TENM4: variants seen among roughly 807,000 people sequenced by gnomAD.
The protein encoded by TENM4 is teneurin-4.
In TENM4, 82 loss-of-function variants were observed where a neutral mutation model predicts 243.3. That is an observed-to-expected ratio of 0.34 (90% CI 0.28 to 0.40). TENM4 has a LOEUF of 0.40. TENM4 is among the 10% of genes least tolerant of loss of function. The pLI is 1.00. For missense variants in TENM4, 3,138 were observed against 3,673.3 expected (o/e 0.85, Z 3.77); for synonymous variants, 1,412 against 1,456.3 (o/e 0.97, Z 0.69).
At chr11:78,946,435 G>A (rs1223982666) in intron 6 of TENM4, among the ~76,000 whole-genome samples, 1 of 152,228 alleles carries the variant, frequency 6.6e-6, no homozygotes, top group African/African-American at 2.4e-5. Flanking sequence ...ACCACTTACT[G>A]ACAATGTACC....
At chr11:79,129,555 G>A (rs946759808) in intron 4 of TENM4, among the ~76,000 whole-genome samples, 1 of 152,186 alleles carries the variant, frequency 6.6e-6, no homozygotes, top group South Asian at 2.1e-4. Flanking sequence ...AGCATGGTGG[G>A]AGTGAGACTG....
chr11:78,883,049 A>G (rs980705043), intron 9 of TENM4, among the ~76,000 whole-genome samples: 4 of 152,236 alleles, frequency 2.6e-5, no homozygotes, highest in Non-Finnish European at 4.4e-5. Flanking sequence ...GCAATTTCCT[A>G]GAGATATAGA....
intron 3 of TENM4, among the ~76,000 whole-genome samples, chr11:79,168,251 G>A (rs1196817453): frequency 6.6e-6 from 1 of 152,154 alleles, no homozygotes; most frequent in Non-Finnish European, 1.5e-5. Flanking sequence ...GGGTGCTGGG[G>A]TACAGAAACA....
chr11:79,373,543 T>C (rs1378211473), intron 1 of TENM4, among the ~76,000 whole-genome samples: 1 of 152,012 alleles, frequency 6.6e-6, no homozygotes, highest in African/African-American at 2.4e-5. Context: ...GGTGGATGGA[T>C]AGTCAGGAGG....
At chr11:78,676,846 ATTTAG>A (rs1457193624) in intron 29 of TENM4, among the ~76,000 whole-genome samples, 5 of 152,210 alleles carry the variant, frequency 3.3e-5, no homozygotes, top group African/African-American at 9.6e-5. Flanking sequence ...CACTGTATAT[ATTTAG>A]TTTAAACATT....
chr11:79,161,509 C>A (rs1862746082), intron 3 of TENM4, among the ~76,000 whole-genome samples: 2 of 152,146 alleles, frequency 1.3e-5, no homozygotes, highest in Non-Finnish European at 1.5e-5. Context: ...CACACAAAGA[C>A]ACAGAGGGGA....
chr11:79,189,089 T>C (rs771229109), intron 3 of TENM4, among the ~76,000 whole-genome samples: 3 of 152,178 alleles, frequency 2.0e-5, no homozygotes, highest in Non-Finnish European at 4.4e-5. Context: ...GCTTAGCAAG[T>C]CATTTAAAAT....
intron 3 of TENM4, among the ~76,000 whole-genome samples, chr11:79,152,364 G>A (rs1194064600): frequency 6.6e-6 from 1 of 152,162 alleles, no homozygotes; most frequent in Non-Finnish European, 1.5e-5. Flanking sequence ...AGGAGAACCG[G>A]AGAGGTTCAT....
intron 2 of TENM4, among the ~76,000 whole-genome samples, chr11:79,265,839 T>A (rs1046721288): frequency 4.6e-5 from 7 of 152,156 alleles, no homozygotes; most frequent in Non-Finnish European, 1.0e-4. Context: ...TCTGTTCCCG[T>A]CTCTCACCTT....
intron 2 of TENM4, among the ~76,000 whole-genome samples, chr11:79,224,787 C>A (rs1036115791): frequency 2.0e-5 from 3 of 152,142 alleles, no homozygotes; most frequent in Non-Finnish European, 1.5e-5. Flanking sequence ...CCTGCCTCTA[C>A]TGAAAATATA....
intron 2 of TENM4, among the ~76,000 whole-genome samples, chr11:79,250,989 T>A (rs1382688585): frequency 6.6e-6 from 1 of 152,190 alleles, no homozygotes; most frequent in Non-Finnish European, 1.5e-5. Flanking sequence ...GGATCTCTCT[T>A]CCCACCAAAA....
chr11:79,392,553 G>C (rs567965105), intron 1 of TENM4, among the ~76,000 whole-genome samples: 4 of 152,230 alleles, frequency 2.6e-5, no homozygotes, highest in Non-Finnish European at 4.4e-5. Flanking sequence ...AAGGAAACCA[G>C]GATATAGGCA....
intron 2 of TENM4, among the ~76,000 whole-genome samples, chr11:79,279,580 G>A (rs1856119642): frequency 6.6e-6 from 1 of 152,082 alleles, no homozygotes; most frequent in Admixed American, 6.6e-5. Context: ...CTTATAGCCT[G>A]CCTTCCAGGG....
chr11:79,120,160 C>G (rs117974516), intron 4 of TENM4, among the ~76,000 whole-genome samples: 1 of 152,150 alleles, frequency 6.6e-6, no homozygotes, highest in Non-Finnish European at 1.5e-5. Context: ...CTATTGTCAA[C>G]GCAGGACAGC....
intron 17 of TENM4, among the ~76,000 whole-genome samples, chr11:78,778,263 C>T (rs1453159801): frequency 7.9e-6 from 1 of 126,642 alleles, no homozygotes; most frequent in African/African-American, 3.2e-5. Context: ...GACCAGGGGC[C>T]ATAACAGATG....
intron 10 of TENM4, among the ~76,000 whole-genome samples, chr11:78,861,397 G>A (rs546366998): frequency 6.6e-6 from 1 of 152,328 alleles, no homozygotes; most frequent in East Asian, 1.9e-4. Flanking sequence ...CAGGTCAGTG[G>A]CTGCAGCTGG....
chr11:78,722,255 T>C lies in TENM4; in HGVS notation c.3800+413A>G, dbSNP rs573663614. Among the ~76,000 whole-genome samples the C allele has an allele frequency of 9.4e-4, 143 of 152,296 alleles. 2 individuals carry two copies. The highest frequency in any genetic ancestry group is 3.3e-3 in the African/African-American group (136 of 41,562). ...ATCTCAAACGCCTGGCCTCAAGTGA[T>C]CCTTCTGCTTTGGTCTTCCAAGGTG... On this transcript the variant is annotated intron_variant, in intron 24 of 33. Transcript: ENST00000278550.
intron 1 of TENM4, among the ~76,000 whole-genome samples, chr11:79,412,684 T>C (rs777998199): frequency 1.3e-5 from 2 of 152,248 alleles, no homozygotes; most frequent in Non-Finnish European, 2.9e-5. Context: ...TAAATATGTA[T>C]CAAATAAATA....
At chr11:78,677,548 C>T (rs1055342451) in intron 29 of TENM4, among the ~76,000 whole-genome samples, 3 of 152,032 alleles carry the variant, frequency 2.0e-5, no homozygotes, top group Non-Finnish European at 4.4e-5. Flanking sequence ...AGCCACCATA[C>T]CTGGCAGGTT....
Sources: gnomAD v4.1 joint callset for allele counts (sites outside exome capture counted in the v4.1 genomes callset) on GRCh38, gnomAD v4.1.1 for gene constraint, MANE v1.5 for transcripts, NCBI Gene and HGNC (gene_info 2026-07-23, HGNC 2026-07-21) for gene names.